The following RNLS variants were observed in gnomAD, a reference collection of about 807,000 sequenced individuals.
RNLS encodes renalase, FAD dependent amine oxidase, also known as renalase.
In RNLS, 39 loss-of-function variants were observed where a neutral mutation model predicts 39.8. That is an observed-to-expected ratio of 0.98 (90% confidence interval 0.76 to 1.28). RNLS has a LOEUF of 1.28. RNLS is among the 50% of genes most tolerant of loss of function. RNLS has a pLI of 0.00. For synonymous variants in RNLS, 147 were observed against 150.7 expected (o/e 0.98, Z 0.18); for missense variants, 410 against 413.3 (o/e 0.99, Z 0.07).
the RNLS span, among the ~76,000 whole-genome samples, chr10:88,181,238 T>C: frequency 6.6e-6 from 1 of 151,968 alleles, no homozygotes; most frequent in Non-Finnish European, 1.5e-5. Flanking sequence ...AATTTGGAGG[T>C]CTCTAGAAGC....
intron 6 of RNLS, among the ~76,000 whole-genome samples, chr10:88,306,455 G>A (rs1191742442): frequency 1.3e-5 from 2 of 151,944 alleles, no homozygotes. Flanking sequence ...GAAGAAAAGA[G>A]AGAAGATCCA....
the RNLS span, among the ~76,000 whole-genome samples, chr10:88,216,318 T>G: frequency 4.0e-4 from 61 of 152,328 alleles, no homozygotes; most frequent in African/African-American, 1.4e-3. Context: ...AATTGAAAAG[T>G]TCAGGGGTAG....
At chr10:88,478,045 G>T (rs1427579818) in intron 4 of RNLS, among the ~76,000 whole-genome samples, 1 of 152,168 alleles carries the variant, frequency 6.6e-6, no homozygotes, top group Non-Finnish European at 1.5e-5. Context: ...CTTCTTAAAA[G>T]TAAAGAATTA....
chr10:88,320,844 A>G (rs1012002577), intron 5 of RNLS, among the ~76,000 whole-genome samples: 9 of 147,800 alleles, frequency 6.1e-5, no homozygotes, highest in Non-Finnish European at 1.2e-4. Context: ...CAGCCTTACA[A>G]TAATAGTAGG....
At chr10:88,437,177 A>ATC (rs1190657681) in intron 4 of RNLS, among the ~76,000 whole-genome samples, 1 of 152,218 alleles carries the variant, frequency 6.6e-6, no homozygotes, top group African/African-American at 2.4e-5. Flanking sequence ...GGAAAGTGAT[A>ATC]GACTGTTGGC....
chr10:88,309,934 C>T (rs1845230741), intron 6 of RNLS, among the ~76,000 whole-genome samples: 1 of 152,156 alleles, frequency 6.6e-6, no homozygotes, highest in South Asian at 2.1e-4. Context: ...CTGTTTGCGG[C>T]CAGGTGTGGT....
chr10:88,180,770 C>T, the RNLS span, among the ~76,000 whole-genome samples: 3 of 152,184 alleles, frequency 2.0e-5, no homozygotes, highest in East Asian at 5.8e-4. Context: ...ATATACAGAC[C>T]TGTCATACAT....
intron 4 of RNLS, among the ~76,000 whole-genome samples, chr10:88,471,998 T>C (rs1212690781): frequency 1.3e-5 from 2 of 152,132 alleles, no homozygotes; most frequent in Non-Finnish European, 2.9e-5. Context: ...TAAATTTATC[T>C]GTACAGCATG....
At chr10:88,564,054 C>T (rs1849350452) in intron 4 of RNLS, among the ~76,000 whole-genome samples, 1 of 152,094 alleles carries the variant, frequency 6.6e-6, no homozygotes, top group African/African-American at 2.4e-5. Context: ...CATTGTAGAT[C>T]TGTGAAGCTC....
intron 5 of RNLS, among the ~76,000 whole-genome samples, chr10:88,318,367 G>A (rs952991627): frequency 7.9e-5 from 12 of 152,234 alleles, no homozygotes; most frequent in Non-Finnish European, 4.4e-5. Context: ...GAAGGGGGTA[G>A]CACTGATGGC....
chr10:88,321,184 C>A (rs1846161277), intron 5 of RNLS, among the ~76,000 whole-genome samples: 1 of 152,058 alleles, frequency 6.6e-6, no homozygotes, highest in Admixed American at 6.6e-5. Flanking sequence ...ACCAAACAAA[C>A]AACTTGCTGC....
chr10:88,352,722 G>A (rs1215954590), intron 5 of RNLS, among the ~76,000 whole-genome samples: 1 of 152,222 alleles, frequency 6.6e-6, no homozygotes, highest in Non-Finnish European at 1.5e-5. Flanking sequence ...CATAAAATGA[G>A]TTAGGGAGGA....
At chr10:88,358,039 T>C (rs1374416775) in intron 5 of RNLS, among the ~76,000 whole-genome samples, 1 of 152,184 alleles carries the variant, frequency 6.6e-6, no homozygotes, top group Non-Finnish European at 1.5e-5. Flanking sequence ...ACAAGACCTA[T>C]ACAAAAGTAC....
At chr10:88,416,382 T>C (rs1470656215) in intron 4 of RNLS, among the ~76,000 whole-genome samples, 2 of 151,960 alleles carry the variant, frequency 1.3e-5, no homozygotes, top group African/African-American at 2.4e-5. Flanking sequence ...GCCTCCTGAG[T>C]AGCTGGGATT....
Position 88,547,884 on chromosome 10 carries a change from A to G in RNLS, c.526+25019T>C, listed in dbSNP as rs569970823. On this transcript the variant is annotated intron_variant, in intron 4 of 6. Coordinates refer to ENST00000331772, the MANE Select transcript of RNLS (RefSeq NM_001031709.3). ...AGATCAAAACATCACATTGTACCCC[A>G]TAAAAATACACAATTATTATTTGTC... Among the ~76,000 whole-genome samples the G allele has an allele frequency of 5.3e-5, 8 of 152,306 alleles. No homozygotes were observed. In the East Asian group the frequency reaches 1.5e-3, roughly 29 times the overall value.
chr10:88,258,906 G>T, the RNLS span, among the ~76,000 whole-genome samples: 2 of 152,184 alleles, frequency 1.3e-5, no homozygotes, highest in African/African-American at 4.8e-5. Context: ...AAAATGTGGG[G>T]CAACAAAGTG....
chr10:88,299,494 G>C (rs1487891202), intron 6 of RNLS, among the ~76,000 whole-genome samples: 1 of 152,066 alleles, frequency 6.6e-6, no homozygotes, highest in Non-Finnish European at 1.5e-5. Context: ...GCACCGTGGC[G>C]TGCGCCTGTA....
intron 4 of RNLS, among the ~76,000 whole-genome samples, chr10:88,466,252 A>G (rs1843199028): frequency 6.6e-6 from 1 of 152,068 alleles, no homozygotes; most frequent in Non-Finnish European, 1.5e-5. Flanking sequence ...TCATTGAAAA[A>G]AAGTCCCACA....
intron 6 of RNLS, among the ~76,000 whole-genome samples, chr10:88,277,761 A>G (rs1393689686): frequency 6.6e-6 from 1 of 152,178 alleles, no homozygotes; most frequent in African/African-American, 2.4e-5. Context: ...TAGAAATTTT[A>G]GAACATTGAT....
Sources: gnomAD v4.1 joint callset for allele counts (sites outside exome capture counted in the v4.1 genomes callset) on GRCh38, gnomAD v4.1.1 for gene constraint, MANE v1.5 for transcripts, NCBI Gene and HGNC (gene_info 2026-07-23, HGNC 2026-07-21) for gene names.